Variants in RPAP3 observed in about 807,000 individuals in gnomAD.
RPAP3 encodes the protein RNA polymerase II associated protein 3.
RPAP3 carries 58 observed loss-of-function variants against 88.8 expected under a neutral mutation model. The ratio of observed to expected loss-of-function variants is 0.65; its 90% CI spans 0.53 to 0.81. The LOEUF (loss-of-function observed/expected upper bound fraction) is 0.81, where lower values mean the gene tolerates loss of function less well. Among genes scored for constraint, RPAP3 ranks in the 40% least tolerant of loss-of-function variants. RPAP3 has a pLI of 0.00. For missense variants in RPAP3, 751 were observed against 764.3 expected (o/e 0.98, Z 0.20); for synonymous variants, 255 against 259.9 (o/e 0.98, Z 0.18).
chr12:47,681,155 C>T (rs1055125808), intron 10 of RPAP3, among the ~76,000 whole-genome samples: 1 of 152,128 alleles, frequency 6.6e-6, no homozygotes, highest in Non-Finnish European at 1.5e-5. Context: ...AAGAACTTTT[C>T]CCTTTCCTTC....
Position 47,670,237 on chromosome 12 carries a change from C to T in RPAP3, c.1396G>A (p.Ala466Thr). 1 of 1,613,360 alleles carries T rather than the reference C, an allele frequency of 6.2e-7. No homozygotes were observed. Among genetic ancestry groups the T allele is most frequent in the Non-Finnish European group, 8.5e-7 (1 of 1,179,390 alleles). ...GTGCCTGTGGCTGCTATTACATTTG[C>T]TAGATTAATAGGATTATTCTCTGGA... is the stretch of plus-strand genomic sequence containing the variant. ...AAPENNPINL[A>T]NVIAATGTTS... The change falls in exon 13 of 17, where the codon GCA becomes ACA. Residue 466 changes from alanine to threonine, a missense_variant. Physicochemically the swap from Ala to Thr is moderately conservative, Grantham distance 58. Transcript: ENST00000005386.
intron 5 of RPAP3, among the ~76,000 whole-genome samples, chr12:47,691,392 C>T (rs1450850399): frequency 6.6e-5 from 10 of 152,170 alleles, no homozygotes; most frequent in Admixed American, 6.5e-4. Flanking sequence ...CCCTCAAAGT[C>T]ATCCATAAGA....
chr12:47,690,585 A>G lies in RPAP3; in HGVS notation c.600T>C (p.Tyr200=). The G allele has an allele frequency of 6.3e-7, 1 of 1,599,828 alleles. No individual in the cohort carries two copies. Reference sequence around the variant, plus strand: ...CACCTCGTCTGGAATAAGCCTTTGTATAACTTCTATTCAAGGCAACTGCTA... The same window carrying G: ...CACCTCGTCTGGAATAAGCCTTTGTGTAACTTCTATTCAAGGCAACTGCTA... ...CNLAVALNRS[Y]TKAYSRRGAA... is the part of the protein sequence containing the mutation. Residue 200 remains tyrosine, a synonymous_variant, in exon 6 of 17, where the codon TAT becomes TAC. Transcript: ENST00000005386.
chr12:47,679,896 A>T (rs1043163624), intron 10 of RPAP3, 122 bp from the exon 11 acceptor site: 1 of 654,740 alleles, frequency 1.5e-6, no homozygotes, highest in Non-Finnish European at 2.6e-6. Flanking sequence ...TTTTACTCAG[A>T]TTACTAGGAA....
chr12:47,705,675 C>A (rs1939778007), intron 1 of RPAP3, among the ~76,000 whole-genome samples: 2 of 151,936 alleles, frequency 1.3e-5, no homozygotes, highest in Non-Finnish European at 2.9e-5. Context: ...GAGGGCGGCT[C>A]TGCCTTCCCG....
At chr12:47,671,093 T>C (rs1038444497) in intron 12 of RPAP3, among the ~76,000 whole-genome samples, 2 of 152,202 alleles carry the variant, frequency 1.3e-5, no homozygotes, top group Admixed American at 6.5e-5. Context: ...GCTTTCATTG[T>C]TTATCTCAAT....
chr12:47,686,946 ATTTC>A, intron 8 of RPAP3, 39 bp from the exon 9 acceptor site: 2 of 1,250,396 alleles, frequency 1.6e-6, no homozygotes, highest in Non-Finnish European at 2.2e-6. Flanking sequence ...TAAAAAAAAA[ATTTC>A]AAAAAAAATA....
At chr12:47,696,529 TACACCAAGTGTGCCTGC>T (rs1187508078) in intron 4 of RPAP3, 126 bp from the exon 5 acceptor site, 17 of 597,492 alleles carry the variant, frequency 2.8e-5, no homozygotes, top group Non-Finnish European at 4.5e-5. Context: ...AATAGAAGTC[TACACCAAGTGTGCCTGC>T]CTCCCCTTCC....
chr12:47,679,052 C>T (rs767972719), intron 12 of RPAP3, among the ~76,000 whole-genome samples: 7 of 152,142 alleles, frequency 4.6e-5, no homozygotes, highest in African/African-American at 7.2e-5. Flanking sequence ...ATATACACCA[C>T]GGAATACTAT....
intron 12 of RPAP3, among the ~76,000 whole-genome samples, chr12:47,675,719 A>G (rs1394573609): frequency 2.6e-5 from 4 of 152,230 alleles, no homozygotes; most frequent in Non-Finnish European, 5.9e-5. Flanking sequence ...TATGCACCCA[A>G]TACAGGAGCA....
chr12:47,690,450 G>A, intron 6 of RPAP3, 68 bp downstream of exon 6: 5 of 1,309,230 alleles, frequency 3.8e-6, no homozygotes, highest in Non-Finnish European at 5.1e-6. Context: ...TGATTACTCA[G>A]TATTCTCCAT....
chr12:47,682,176 T>G (rs1301361697), intron 9 of RPAP3, among the ~76,000 whole-genome samples: 1 of 152,152 alleles, frequency 6.6e-6, no homozygotes, highest in Non-Finnish European at 1.5e-5. Context: ...TGGCATTAGT[T>G]TTCTAATAAA....
chr12:47,667,198 G>A (rs77010361), intron 15 of RPAP3, 118 bp from the exon 16 acceptor site: 4,122 of 392,984 alleles, frequency 0.01, 27 homozygotes, highest in Non-Finnish European at 0.014. Flanking sequence ...TTTTCCCCTG[G>A]ATACCTGTAT....
At chr12:47,678,348 T>A (rs1939157177) in intron 12 of RPAP3, among the ~76,000 whole-genome samples, 1 of 152,128 alleles carries the variant, frequency 6.6e-6, no homozygotes, top group Non-Finnish European at 1.5e-5. Context: ...GGCAAGGACT[T>A]CATGACTAAA....
chr12:47,680,806 C>T (rs4768840), intron 10 of RPAP3, among the ~76,000 whole-genome samples: 24,600 of 151,282 alleles, frequency 0.16, 2,530 homozygotes, highest in Admixed American at 0.32. Flanking sequence ...CCTCCATTCC[C>T]TACCTGCTGA....
Position 47,689,213 on chromosome 12 carries a change from T to C in RPAP3, c.668-18A>G, listed in dbSNP as rs1475285724. The C allele has an allele frequency of 1.8e-6, 2 of 1,127,994 alleles. No homozygotes were observed. Among genetic ancestry groups the C allele is most frequent in the Non-Finnish European group, 2.5e-6 (2 of 786,896 alleles). 69.9% of individuals were successfully genotyped at this position (1,127,994 alleles called of 1,614,324 possible). ...TTCATAATCTAAGTAAAAGAGAAGA[T>C]AAAAAAAATTTTTAAAGATAGGTAA... On this transcript the variant is annotated intron_variant, in intron 6 of 16. Coordinates refer to ENST00000005386, the MANE Select transcript of RPAP3 (RefSeq NM_024604.3).
Position 47,669,122 on chromosome 12 carries a change from T to C in RPAP3, c.1527-20A>G, listed in dbSNP as rs772572238. 3.8e-6 allele frequency: 6 copies of C among 1,578,654 alleles called. No individual in the cohort carries two copies. The South Asian group carries it at 5.6e-5, about 15-fold the overall frequency. ...TGAGGTCTGAAATATTTCAGAGGTATCAAACAGAAAAGAACCATAAATAAT... is the reference window on the plus strand; with the variant it reads ...TGAGGTCTGAAATATTTCAGAGGTACCAAACAGAAAAGAACCATAAATAAT... On this transcript the variant is annotated intron_variant, in intron 13 of 16. Transcript: ENST00000005386.
chr12:47,690,470 G>A (rs553581165), intron 6 of RPAP3, 48 bp downstream of exon 6: 2 of 1,485,084 alleles, frequency 1.3e-6, no homozygotes, highest in Non-Finnish European at 1.8e-6. Context: ...TATAGCATCT[G>A]TGAGATAACA....
chr12:47,672,252 G>A (rs767392745), intron 12 of RPAP3, among the ~76,000 whole-genome samples: 3 of 152,160 alleles, frequency 2.0e-5, no homozygotes, highest in Non-Finnish European at 4.4e-5. Context: ...CCTCCAAGCT[G>A]CCAGCCCTTC....
Sources: gnomAD v4.1 joint callset for allele counts (sites outside exome capture counted in the v4.1 genomes callset) on GRCh38, gnomAD v4.1.1 for gene constraint, MANE v1.5 for transcripts, NCBI Gene and HGNC (gene_info 2026-07-23, HGNC 2026-07-21) for gene names.